WDPCP: variants seen among roughly 807,000 people sequenced by gnomAD.
The protein encoded by WDPCP is WD repeat containing planar cell polarity effector.
A neutral mutation model predicts 93.1 loss-of-function variants in WDPCP; 71 were observed. That is an observed-to-expected ratio of 0.76 (90% CI 0.63 to 0.93). The LOEUF is 0.93. Among genes scored for constraint, WDPCP ranks in the 40% least tolerant of loss-of-function variants. The probability of loss-of-function intolerance (pLI) is 0.00; values close to 1 mark genes in which losing one functional copy is unlikely to be tolerated. For missense variants in WDPCP, 844 were observed against 887.4 expected (o/e 0.95, Z 0.62); for synonymous variants, 315 against 315.0 (o/e 1.00, Z 0.00).
intron 1 of WDPCP, among the ~76,000 whole-genome samples, chr2:63,565,022 C>T (rs1558815331): frequency 6.6e-6 from 1 of 152,114 alleles, no homozygotes; most frequent in Non-Finnish European, 1.5e-5. Flanking sequence ...CATGATCTGC[C>T]GCCTTGGCCT....
chr2:63,784,798 A>C (rs1258430754), intron 2 of WDPCP, among the ~76,000 whole-genome samples: 2 of 152,180 alleles, frequency 1.3e-5, no homozygotes, highest in East Asian at 3.8e-4. Flanking sequence ...TTGAATTCAA[A>C]TCTAAGTATT....
intron 2 of WDPCP, among the ~76,000 whole-genome samples, chr2:63,801,450 T>G (rs571075088): frequency 6.4e-4 from 98 of 152,266 alleles, no homozygotes; most frequent in African/African-American, 2.2e-3. Context: ...AGATTTATCA[T>G]GAAGAGCAAA....
At position 63,822,822 on chromosome 2, in the gene WDPCP, G is replaced by A. The variant is rs1671042949; in HGVS notation, n.222+4800C>T. The stretch of plus-strand genomic sequence containing the variant: ...GATTGCTTGAGCCAACTGCATTTCA[G>A]CTTGGGCAACAGAGTGAGACCTTGT... On this transcript the variant is annotated intron_variant and non_coding_transcript_variant, in intron 1 of 4. Coordinates refer to the WDPCP transcript ENST00000467687. 2.6e-5 allele frequency among the ~76,000 whole-genome samples: 4 copies of A among 151,748 alleles called. No homozygotes were observed. In the South Asian group the frequency reaches 8.3e-4, roughly 32 times the overall value.
chr2:63,492,230 T>A (rs1476067006), intron 2 of WDPCP, among the ~76,000 whole-genome samples: 1 of 152,136 alleles, frequency 6.6e-6, no homozygotes, highest in African/African-American at 2.4e-5. Context: ...AAAGATTTTT[T>A]AAAGATATTT....
At position 63,381,841 on chromosome 2, in the gene WDPCP, TAACTC is replaced by T. The variant is rs1027267517; in HGVS notation, c.1624+60_1624+64del. The T allele has an allele frequency of 9.0e-6, 14 of 1,555,816 alleles. No individual in the cohort carries two copies. In the Admixed American group the frequency reaches 1.0e-4, roughly 12 times the overall value. On this transcript the variant is annotated intron_variant, in intron 11 of 17. Coordinates refer to ENST00000272321, the MANE Select transcript of WDPCP (RefSeq NM_015910.7). The stretch of plus-strand genomic sequence containing the variant: ...ATGACTCAAAAACAACCTCAAAAAA[TAACTC>T]AATAAAATCTATTTCATGTATATAC...
chr2:63,537,246 T>C (rs759011904), intron 1 of WDPCP, among the ~76,000 whole-genome samples: 14 of 152,220 alleles, frequency 9.2e-5, no homozygotes, highest in Non-Finnish European at 1.9e-4. Context: ...TGTTACTAGT[T>C]AAATATTTCA....
chr2:63,207,516 A>G (rs973210734), intron 14 of WDPCP, among the ~76,000 whole-genome samples: 3 of 152,176 alleles, frequency 2.0e-5, no homozygotes, highest in African/African-American at 7.2e-5. Context: ...TAGCAATGTG[A>G]GAATGGACCT....
intron 2 of WDPCP, among the ~76,000 whole-genome samples, chr2:63,754,078 C>A (rs1006438046): frequency 1.3e-5 from 2 of 152,216 alleles, no homozygotes; most frequent in Non-Finnish European, 2.9e-5. Context: ...AGGGAGGGAT[C>A]TGAAATACAA....
chr2:63,362,160 G>T (rs1190601856), intron 12 of WDPCP, among the ~76,000 whole-genome samples: 1 of 151,622 alleles, frequency 6.6e-6, no homozygotes, highest in East Asian at 1.9e-4. Flanking sequence ...TTGAATAACA[G>T]AACTTATTTT....
At chr2:63,137,473 GCAAA>G (rs1670709243) in intron 17 of WDPCP, among the ~76,000 whole-genome samples, 1 of 151,974 alleles carries the variant, frequency 6.6e-6, no homozygotes, top group Non-Finnish European at 1.5e-5. Context: ...TGCATAGTTT[GCAAA>G]CATTTTCTCC....
chr2:63,226,494 G>A (rs1678302023), intron 14 of WDPCP, among the ~76,000 whole-genome samples: 1 of 151,732 alleles, frequency 6.6e-6, no homozygotes, highest in South Asian at 2.1e-4. Flanking sequence ...GTCACACCCT[G>A]TCACATTAAG....
At chr2:63,311,511 A>G (rs1297656442) in intron 13 of WDPCP, among the ~76,000 whole-genome samples, 2 of 152,212 alleles carry the variant, frequency 1.3e-5, no homozygotes, top group Non-Finnish European at 2.9e-5. Flanking sequence ...AAAGTTATGT[A>G]TGAAGAGTAA....
chr2:63,380,243 T>C (rs1462229056), intron 11 of WDPCP, among the ~76,000 whole-genome samples: 2 of 152,168 alleles, frequency 1.3e-5, no homozygotes, highest in Admixed American at 6.6e-5. Context: ...TCTTTCATTT[T>C]TTTTTTAAGT....
chr2:63,598,629 G>T (rs1387668566), intron 3 of WDPCP, among the ~76,000 whole-genome samples: 1 of 151,772 alleles, frequency 6.6e-6, no homozygotes, highest in African/African-American at 2.4e-5. Context: ...TGCATTTTTT[G>T]CTTTCTGTGC....
chr2:63,132,405 G>A (rs1670348686), intron 17 of WDPCP, among the ~76,000 whole-genome samples: 1 of 151,008 alleles, frequency 6.6e-6, no homozygotes, highest in African/African-American at 2.4e-5. Flanking sequence ...TAAGTTTTTG[G>A]CCATTATATT....
intron 2 of WDPCP, among the ~76,000 whole-genome samples, chr2:63,698,762 A>C (rs1668997911): frequency 6.6e-6 from 1 of 152,202 alleles, no homozygotes; most frequent in African/African-American, 2.4e-5. Flanking sequence ...GGGGGAATAA[A>C]GCTTTGTGAA....
chr2:63,236,428 A>C (rs1679397775), intron 14 of WDPCP, among the ~76,000 whole-genome samples: 1 of 152,220 alleles, frequency 6.6e-6, no homozygotes, highest in South Asian at 2.1e-4. Flanking sequence ...ATTAAATGCT[A>C]TTCCTATCCA....
chr2:63,804,714 T>A (rs1670739200), intron 2 of WDPCP, among the ~76,000 whole-genome samples: 1 of 151,770 alleles, frequency 6.6e-6, no homozygotes, highest in Non-Finnish European at 1.5e-5. Flanking sequence ...TATCTCCTGA[T>A]GGTCTAGATT....
At chr2:63,303,080 T>G (rs1017532654) in intron 13 of WDPCP, among the ~76,000 whole-genome samples, 10 of 152,220 alleles carry the variant, frequency 6.6e-5, no homozygotes, top group Non-Finnish European at 1.3e-4. Context: ...AAGGCACATG[T>G]ATATGTCCGT....
Sources: allele counts gnomAD v4.1 joint callset (sites outside exome capture counted in the v4.1 genomes callset), GRCh38; gene constraint gnomAD v4.1.1; transcripts MANE v1.5; gene names NCBI Gene and HGNC (gene_info 2026-07-23, HGNC 2026-07-21).